PCDHGB4: variants seen among roughly 807,000 people sequenced by gnomAD.
PCDHGB4 encodes protocadherin gamma-B4.
In PCDHGB4, 38 loss-of-function variants were observed where a neutral mutation model predicts 60.5. The observed-to-expected ratio is 0.63, with a 90% CI of 0.48 to 0.82. The LOEUF is 0.82. Ranked by LOEUF, PCDHGB4 falls within the 40% of genes least tolerant of loss-of-function variation. The pLI, the probability that PCDHGB4 is intolerant of heterozygous loss-of-function variation, is 0.00. For synonymous variants in PCDHGB4, 456 were observed against 509.7 expected (o/e 0.89, Z 1.42); for missense variants, 1,109 against 1,209.6 (o/e 0.92, Z 1.23).
chr5:141,496,916 T>C (rs1252437822), intron 2 of PCDHGB4, among the ~76,000 whole-genome samples: 4 of 148,274 alleles, frequency 2.7e-5, no homozygotes, highest in African/African-American at 9.9e-5. Context: ...CTGGGCACTG[T>C]GGTTCACGCC....
chr5:141,447,824 G>T (rs926580893), intron 1 of PCDHGB4, among the ~76,000 whole-genome samples: 2 of 152,034 alleles, frequency 1.3e-5, no homozygotes, highest in Non-Finnish European at 2.9e-5. Context: ...GGTGGCTCAC[G>T]CCTGTAATCC....
intron 1 of PCDHGB4, chr5:141,416,753 G>A (rs1168212796): frequency 1.3e-5 from 2 of 152,154 alleles, no homozygotes; most frequent in Non-Finnish European, 2.9e-5. Context: ...GACGTATTAG[G>A]TAGATCTCTT....
At chr5:141,440,887 G>C (rs1423303973) in intron 1 of PCDHGB4, 4 of 152,206 alleles carry the variant, frequency 2.6e-5, no homozygotes, top group Non-Finnish European at 5.9e-5. Context: ...TCGGCCTTCA[G>C]GAAGATGTGC....
intron 1 of PCDHGB4, chr5:141,427,415 T>G: frequency 2.1e-6 from 1 of 465,414 alleles, no homozygotes; most frequent in Non-Finnish European, 4.3e-6. Context: ...CGAGAGAAAA[T>G]GGGGAGGTTA....
intron 1 of PCDHGB4, among the ~76,000 whole-genome samples, chr5:141,401,455 A>G (rs1589438348): frequency 6.6e-6 from 1 of 152,256 alleles, no homozygotes; most frequent in East Asian, 1.9e-4. Flanking sequence ...AATCATCCAA[A>G]TAATTTTCTA....
intron 1 of PCDHGB4, chr5:141,412,854 A>T (rs1356959630): frequency 4.5e-6 from 1 of 223,412 alleles, no homozygotes; most frequent in African/African-American, 2.3e-5. Context: ...GAGAAACCAA[A>T]GAATCTATGT....
intron 1 of PCDHGB4, among the ~76,000 whole-genome samples, chr5:141,475,532 T>C (rs1011968434): frequency 6.6e-6 from 1 of 152,228 alleles, no homozygotes; most frequent in East Asian, 1.9e-4. Context: ...AAATGCCTCC[T>C]TACAAGTAGG....
intron 1 of PCDHGB4, among the ~76,000 whole-genome samples, chr5:141,433,690 A>G (rs951380027): frequency 2.0e-5 from 3 of 152,088 alleles, no homozygotes; most frequent in African/African-American, 7.2e-5. Flanking sequence ...ATACAAAATT[A>G]GCCGGGCGTG....
chr5:141,508,800 C>A (rs973992018), intron 3 of PCDHGB4, among the ~76,000 whole-genome samples: 1 of 152,086 alleles, frequency 6.6e-6, no homozygotes, highest in African/African-American at 2.4e-5. Context: ...CTCTGGAATC[C>A]TGGCTCTTTG....
At chr5:141,418,726 G>C (rs1399333996) in intron 1 of PCDHGB4, 1 of 1,613,986 alleles carries the variant, frequency 6.2e-7, no homozygotes, top group Non-Finnish European at 8.5e-7. Flanking sequence ...ACAAAGCTCA[G>C]CACGTGTTCT....
Position 141,392,778 on chromosome 5 carries a change from G to A in PCDHGB4, c.2397+2497G>A, listed in dbSNP as rs375878103. ...ACTAAATAAGACCCATTTATGCACA[G>A]TGAAGATTCTGAGAGGATTCTGCAG... On this transcript the variant is annotated intron_variant, in intron 1 of 3. Coordinates refer to ENST00000519479, the MANE Select transcript of PCDHGB4 (RefSeq NM_003736.4). 5 of 1,533,872 alleles carry A rather than the reference G, an allele frequency of 3.3e-6. No homozygotes were observed. The African/African-American group carries it at 6.9e-5, about 21-fold the overall frequency.
At chr5:141,424,712 G>A (rs2096836283) in intron 1 of PCDHGB4, 1 of 152,126 alleles carries the variant, frequency 6.6e-6, no homozygotes, top group Non-Finnish European at 1.5e-5. Context: ...CATTTTCAGT[G>A]TAGTTGGGAG....
intron 1 of PCDHGB4, among the ~76,000 whole-genome samples, chr5:141,425,915 C>G (rs537499239): frequency 1.3e-5 from 2 of 152,336 alleles, no homozygotes; most frequent in East Asian, 3.9e-4. Context: ...AAAACAGTCA[C>G]TACGAAAACT....
At chr5:141,426,153 T>C (rs928934950) in intron 1 of PCDHGB4, 12 of 154,130 alleles carry the variant, frequency 7.8e-5, no homozygotes, top group African/African-American at 2.6e-4. Flanking sequence ...CTCCTGCAAA[T>C]CTGATTCCAT....
At position 141,505,394 on chromosome 5, in the gene PCDHGB4, T is replaced by C; in HGVS notation, c.2458T>C (p.Ser820Pro). 6.2e-7 allele frequency: 1 copy of C among 1,614,110 alleles called. No homozygotes were observed. The highest frequency in any genetic ancestry group is 8.5e-7 in the Non-Finnish European group (1 of 1,180,002). The part of the protein sequence containing the change: ...SQAQRPGTSG[S>P]QNGDDTGTWP... ...CTCACCATCCTACTCTCTCCCCAGC[T>C]CCCAAAATGGCGATGACACCGGCAC... Residue 820 changes from serine (S) to proline (P), a missense_variant and splice_region_variant, in exon 3 of 4, where the codon TCC becomes CCC. By Grantham distance (74) the Ser-to-Pro change is moderately conservative. Coordinates refer to ENST00000519479, the MANE Select transcript of PCDHGB4 (RefSeq NM_003736.4).
intron 1 of PCDHGB4, chr5:141,410,447 C>G (rs760711107): frequency 1.2e-6 from 2 of 1,613,984 alleles, no homozygotes; most frequent in Non-Finnish European, 1.7e-6. Context: ...GGGGACTTTG[C>G]CTTATTCTTA....
intron 1 of PCDHGB4, chr5:141,420,386 A>G (rs1407565643): frequency 6.2e-6 from 8 of 1,284,798 alleles, no homozygotes; most frequent in Non-Finnish European, 7.2e-6. Context: ...AGTTCGCAAA[A>G]TATAGGTCAA....
At chr5:141,404,022 G>C (rs2094476462) in intron 1 of PCDHGB4, 1 of 1,613,754 alleles carries the variant, frequency 6.2e-7, no homozygotes, top group Admixed American at 1.7e-5. Context: ...AGCCCAGTGA[G>C]AGAAGACGCA....
At chr5:141,506,053 T>C (rs1486313858) in intron 3 of PCDHGB4, among the ~76,000 whole-genome samples, 1 of 152,126 alleles carries the variant, frequency 6.6e-6, no homozygotes, top group Non-Finnish European at 1.5e-5. Context: ...TCCCATAAGG[T>C]TGACTAAGGG....
Sources: gnomAD v4.1 joint callset for allele counts (sites outside exome capture counted in the v4.1 genomes callset) on GRCh38, gnomAD v4.1.1 for gene constraint, MANE v1.5 for transcripts, NCBI Gene and HGNC (gene_info 2026-07-23, HGNC 2026-07-21) for gene names.